The following ZNF429 variants were observed in gnomAD, a reference collection of about 807,000 sequenced individuals.
The protein encoded by ZNF429 is zinc finger protein 429.
In ZNF429, 53 loss-of-function variants were observed where a neutral mutation model predicts 56.8. The observed-to-expected ratio is 0.93, with a 90% CI of 0.75 to 1.17. The LOEUF is 1.17. Among genes scored for constraint, ZNF429 ranks in the 50% most tolerant of loss-of-function variants. The probability of loss-of-function intolerance (pLI) is 0.00; values close to 1 mark genes in which losing one functional copy is unlikely to be tolerated. For synonymous variants in ZNF429, 278 were observed against 264.7 expected (o/e 1.05, Z -0.49); for missense variants, 849 against 788.4 (o/e 1.08, Z -0.92).
intron 3 of ZNF429, among the ~76,000 whole-genome samples, chr19:21,531,037 C>T: frequency 1.5e-5 from 2 of 134,192 alleles, no homozygotes; most frequent in Admixed American, 9.0e-5. Flanking sequence ...ATCTGGGAGG[C>T]GGAGGTTGCA....
At chr19:21,512,551 C>G (rs1312360425) in intron 1 of ZNF429, among the ~76,000 whole-genome samples, 3 of 150,390 alleles carry the variant, frequency 2.0e-5, no homozygotes, top group African/African-American at 4.9e-5. Flanking sequence ...GTAATCCCAG[C>G]TACTTGGGAG....
At chr19:21,515,745 T>TG (rs2032708815) in intron 1 of ZNF429, among the ~76,000 whole-genome samples, 2 of 152,342 alleles carry the variant, frequency 1.3e-5, no homozygotes, top group Non-Finnish European at 2.9e-5. Flanking sequence ...CTTTACTTAA[T>TG]CTTGAGTATA....
At chr19:21,535,721 G>A in intron 3 of ZNF429, among the ~76,000 whole-genome samples, 4 of 151,614 alleles carry the variant, frequency 2.6e-5, no homozygotes, top group South Asian at 2.1e-4. Context: ...TCACCATGTT[G>A]GCCAGGCTGG....
chr19:21,535,728 C>T, intron 3 of ZNF429, among the ~76,000 whole-genome samples: 6 of 151,544 alleles, frequency 4.0e-5, no homozygotes, highest in South Asian at 4.2e-4. Flanking sequence ...GTTGGCCAGG[C>T]TGGTTTCGAA....
chr19:21,516,972 A>G (rs1281048505), intron 1 of ZNF429, among the ~76,000 whole-genome samples: 2 of 152,124 alleles, frequency 1.3e-5, no homozygotes, highest in Admixed American at 6.6e-5. Context: ...AGGACTTCCA[A>G]TTCTATGTTG....
rs200968405 is a variant in ZNF429, at chr19:21,537,159, A to G, written c.1106A>G (p.Tyr369Cys). Residue 369 changes from tyrosine to cysteine, a missense_variant, in exon 4 of 4, where the codon TAC (tyrosine) becomes TGC (cysteine). By Grantham distance (194) the Tyr-to-Cys change is radical. Coordinates refer to ENST00000358491, the MANE Select transcript of ZNF429 (RefSeq NM_001001415.4). ...GTAATTCATACTGGAGAGAAGCCCT[A>G]CAAATGTGAAGAATGTGGCAAAGCT... ...HKVIHTGEKP[Y>C]KCEECGKAFN... is the part of the protein sequence containing the mutation. 1.7e-4 allele frequency: 272 copies of G among 1,613,872 alleles called. No individual in the cohort carries two copies. Among genetic ancestry groups the G allele is most frequent in the Non-Finnish European group, 2.2e-4 (265 of 1,179,996 alleles).
Position 21,536,276 on chromosome 19 carries a change from T to TTAGTTGTG in ZNF429, c.227-2_232dup. ...AGTAATTTGTTGTTTTAATTTTATT[T>TTAGTTGTG]TAGTTGTGTGTTCTCATTTTGCTGA... On this transcript the variant is annotated splice_region_variant and splice_polypyrimidine_tract_variant and intron_variant, in intron 3 of 3. Transcript: ENST00000358491. 1.3e-6 allele frequency: 2 copies of TTAGTTGTG among 1,552,388 alleles called. No homozygotes were observed. Among genetic ancestry groups the TTAGTTGTG allele is most frequent in the Non-Finnish European group, 1.7e-6 (2 of 1,154,336 alleles).
rs1193060453 is a variant in ZNF429, at chr19:21,537,761, T to C, written c.1708T>C (p.Cys570Arg). ...AGAGAAACCCTACAAATGTAAACAA[T>C]GTGACAAAGCTTTTACCCACTCCTC... is the stretch of plus-strand genomic sequence containing the variant. ...TGEKPYKCKQ[C>R]DKAFTHSSNL... Residue 570 changes from cysteine to arginine, a missense_variant, in exon 4 of 4, where the codon TGT becomes CGT. Physicochemically the swap from Cys to Arg is radical, Grantham distance 180. Transcript: ENST00000358491. 6.2e-7 allele frequency: 1 copy of C among 1,613,254 alleles called. No individual in the cohort carries two copies. The highest frequency in any genetic ancestry group is 1.3e-5 in the African/African-American group (1 of 74,558).
At position 21,529,726 on chromosome 19, in the gene ZNF429, A is replaced by C. The variant is rs757762743; in HGVS notation, c.72A>C (p.Ala24=). 1 of 1,602,612 alleles carries C rather than the reference A, an allele frequency of 6.2e-7. No individual in the cohort carries two copies. The highest frequency in any genetic ancestry group is 8.5e-7 in the Non-Finnish European group (1 of 1,174,162). ...AGGAGTGGCAGTGCCTGGACACAGC[A>C]CAACAGAACTTATATAGAAATGTGA... is the stretch of plus-strand genomic sequence containing the variant. The part of the protein sequence containing the change: ...SLEEWQCLDT[A]QQNLYRNVML... Residue 24 remains alanine (A), a synonymous_variant, in exon 2 of 4, where the codon GCA becomes GCC. Coordinates refer to ENST00000358491, the MANE Select transcript of ZNF429 (RefSeq NM_001001415.4).
At chr19:21,512,359 CTTA>C (rs1462260966) in intron 1 of ZNF429, among the ~76,000 whole-genome samples, 3 of 151,970 alleles carry the variant, frequency 2.0e-5, no homozygotes, top group Admixed American at 1.3e-4. Context: ...GTGCCAACCT[CTTA>C]TTATGCGACT....
In ZNF429 at chr19:21,537,588, A is replaced by G; in HGVS notation, c.1535A>G (p.Glu512Gly). 6.2e-7 allele frequency: 1 copy of G among 1,613,644 alleles called. No individual in the cohort carries two copies. Among genetic ancestry groups the G allele is most frequent in the South Asian group, 1.1e-5 (1 of 91,064 alleles). ...IHSGEKPYKCEECGKAFILSS... is the reference protein window; with the variant it reads ...IHSGEKPYKCGECGKAFILSS... ...AGTGGAGAGAAACCCTACAAATGTG[A>G]AGAATGTGGCAAAGCTTTTATCCTG... Residue 512 changes from glutamate (E) to glycine (G), a missense_variant, in exon 4 of 4, where the codon GAA (glutamate) becomes GGA (glycine). Physicochemically the swap from Glu to Gly is moderately conservative, Grantham distance 98. Coordinates refer to ENST00000358491, the MANE Select transcript of ZNF429 (RefSeq NM_001001415.4).
chr19:21,538,210 G>A lies in ZNF429; in HGVS notation c.*132G>A. The A allele has an allele frequency of 2.4e-6, 1 of 410,216 alleles. No homozygotes were observed. Among genetic ancestry groups the A allele is most frequent in the Non-Finnish European group, 4.4e-6 (1 of 228,930 alleles). 25.4% of individuals were successfully genotyped at this position (410,216 alleles called of 1,614,324 possible). A position where few individuals can be genotyped will look rare whatever the true frequency, so the allele number is the denominator to read the frequency against. ...AGGAGAATGGCCTGAACCCGGAGGT[G>A]GAGCTTGCATTGAGCCAAGATCACA... On this transcript the variant is annotated 3_prime_UTR_variant, in exon 4 of 4. Transcript: ENST00000358491.
chr19:21,523,058 CA>C (rs769108536), intron 1 of ZNF429, among the ~76,000 whole-genome samples: 4 of 152,124 alleles, frequency 2.6e-5, no homozygotes, highest in Non-Finnish European at 5.9e-5. Flanking sequence ...CTTGTGTCTT[CA>C]AACCTGAAAC....
intron 2 of ZNF429, 59 bp downstream of exon 2, chr19:21,529,843 T>C: frequency 8.7e-7 from 1 of 1,148,518 alleles, no homozygotes; most frequent in Non-Finnish European, 1.2e-6. Flanking sequence ...TTTCTCCTCT[T>C]TGTAGAATGT....
chr19:21,530,507 C>A, intron 2 of ZNF429, 82 bp from the exon 3 acceptor site: 2 of 846,048 alleles, frequency 2.4e-6, no homozygotes, highest in East Asian at 2.9e-5. Flanking sequence ...TATTATATTA[C>A]ATCCTCTTTA....
At chr19:21,524,813 A>C (rs534320293) in intron 1 of ZNF429, among the ~76,000 whole-genome samples, 1 of 152,146 alleles carries the variant, frequency 6.6e-6, no homozygotes, top group Admixed American at 6.6e-5. Flanking sequence ...CTTCTGTTTC[A>C]ATGTAAGAGA....
Position 21,535,384 on chromosome 19 carries a change from A to C in ZNF429, c.227-896A>C. Among the ~76,000 whole-genome samples, 98 of 64,010 alleles carry C rather than the reference A, an allele frequency of 1.5e-3. 5 individuals carry two copies. Among genetic ancestry groups the C allele is most frequent in the African/African-American group, 2.8e-3 (36 of 12,716 alleles). 42.0% of individuals were successfully genotyped at this position (64,010 alleles called of 152,430 possible). On this transcript the variant is annotated intron_variant, in intron 3 of 3. Coordinates refer to ENST00000358491, the MANE Select transcript of ZNF429 (RefSeq NM_001001415.4). ...TTCTTTCTTTCTTTCTTTCTTTTTTACTTTCTTTCTTTCTTTCTTTCTTTT... is the reference window on the plus strand; with the variant it reads ...TTCTTTCTTTCTTTCTTTCTTTTTTCCTTTCTTTCTTTCTTTCTTTCTTTT...
intron 1 of ZNF429, among the ~76,000 whole-genome samples, chr19:21,512,497 T>TA (rs1308925191): frequency 6.7e-5 from 10 of 150,110 alleles, no homozygotes; most frequent in South Asian, 4.2e-4. Flanking sequence ...CCATCTCTAC[T>TA]AAAAAAAAAT....
intron 3 of ZNF429, among the ~76,000 whole-genome samples, chr19:21,532,791 C>T: frequency 2.0e-5 from 3 of 151,736 alleles, no homozygotes; most frequent in Non-Finnish European, 2.9e-5. Context: ...CTCGGCCTCC[C>T]GGGTTCAAGC....
Sources: allele counts gnomAD v4.1 joint callset (sites outside exome capture counted in the v4.1 genomes callset), GRCh38; gene constraint gnomAD v4.1.1; transcripts MANE v1.5; gene names NCBI Gene and HGNC (gene_info 2026-07-23, HGNC 2026-07-21).